TLK1: variants seen among roughly 807,000 people sequenced by gnomAD.
The protein encoded by TLK1 is serine/threonine-protein kinase tousled-like 1.
TLK1 carries 24 observed loss-of-function variants against 105.3 expected under a neutral mutation model. The observed-to-expected ratio is 0.23, with a 90% CI of 0.17 to 0.32. TLK1 has a LOEUF of 0.32. TLK1 is among the 10% of genes least tolerant of loss of function. The pLI is 1.00. For missense variants in TLK1, 558 were observed against 910.5 expected, an observed-to-expected ratio of 0.61 and a Z score of 4.98; for synonymous variants, 321 against 310.4, an observed-to-expected ratio of 1.03 and a Z score of -0.36.
chr2:171,011,324 A>G (rs754530617), intron 14 of TLK1, 49 bp downstream of exon 14: 1 of 1,511,900 alleles, frequency 6.6e-7, no homozygotes, highest in South Asian at 1.2e-5. Flanking sequence ...ACATACTCCT[A>G]TATCCTTGCT....
At position 171,061,072 on chromosome 2, in the gene TLK1, T is replaced by C. The variant is rs766733666; in HGVS notation, c.406+9A>G. On this transcript the variant is annotated intron_variant, in intron 4 of 20. Coordinates refer to ENST00000431350, the MANE Select transcript of TLK1 (RefSeq NM_012290.5). ...CACTAGGCTCTGAAGGAAGATGTTATGTGCTTACCCTGACTACTTTCATTC... is the reference window on the plus strand; with the variant it reads ...CACTAGGCTCTGAAGGAAGATGTTACGTGCTTACCCTGACTACTTTCATTC... 5.6e-6 allele frequency: 9 copies of C among 1,612,616 alleles called. No individual in the cohort carries two copies. In the East Asian group the frequency reaches 1.3e-4, roughly 24 times the overall value.
intron 1 of TLK1, among the ~76,000 whole-genome samples, chr2:171,173,530 A>G (rs979965127): frequency 6.6e-6 from 1 of 151,926 alleles, no homozygotes; most frequent in African/African-American, 2.4e-5. Context: ...TAGGACTACA[A>G]GTGTGCACCA....
chr2:171,203,996 G>A (rs1222107443), intron 1 of TLK1, among the ~76,000 whole-genome samples: 2 of 152,076 alleles, frequency 1.3e-5, no homozygotes, highest in East Asian at 3.8e-4. Context: ...AGAGCTTGCA[G>A]TGAGCTGAAA....
intron 1 of TLK1, among the ~76,000 whole-genome samples, chr2:171,182,402 G>A (rs1330580330): frequency 1.3e-5 from 2 of 152,064 alleles, no homozygotes; most frequent in African/African-American, 4.8e-5. Flanking sequence ...TGACATTGTG[G>A]GCTACTTATT....
chr2:171,221,172 T>C (rs999888282), intron 1 of TLK1, among the ~76,000 whole-genome samples: 1 of 152,248 alleles, frequency 6.6e-6, no homozygotes, highest in African/African-American at 2.4e-5. Flanking sequence ...AGTTATCCTT[T>C]ATTTTCTTTT....
chr2:171,062,238 A>G (rs1156281868), intron 3 of TLK1, among the ~76,000 whole-genome samples: 1 of 152,230 alleles, frequency 6.6e-6, no homozygotes, highest in African/African-American at 2.4e-5. Context: ...AAATTCCTGA[A>G]CTTCACAAGA....
At position 171,196,122 on chromosome 2, in the gene TLK1, G is replaced by GT. The variant is rs570467416; in HGVS notation, c.-6+35022dup. ...AAGGAAGGGAGGGACATTGTAGCTG[G>GT]TTTTTTTTTTTTGAGATGGAGTCTC... On this transcript the variant is annotated intron_variant, in intron 1 of 20. Coordinates refer to the TLK1 transcript ENST00000521943. Among the ~76,000 whole-genome samples the GT allele has an allele frequency of 1.9e-3, 268 of 141,142 alleles. 2 individuals are homozygous for GT. The highest frequency in any genetic ancestry group is 0.011 in the East Asian group (55 of 4,982). The allele number at this position is 141,142 out of a possible 152,430, so 92.6% of individuals were successfully genotyped here. A position where few individuals can be genotyped will look rare whatever the true frequency, so the allele number is the denominator to read the frequency against.
At chr2:171,192,274 A>G (rs1027958639) in intron 1 of TLK1, among the ~76,000 whole-genome samples, 1 of 152,144 alleles carries the variant, frequency 6.6e-6, no homozygotes, top group Admixed American at 6.5e-5. Context: ...AGTGATCCAC[A>G]GGCCTTGGCC....
At chr2:171,209,034 A>G (rs918871417) in intron 1 of TLK1, among the ~76,000 whole-genome samples, 6 of 152,174 alleles carry the variant, frequency 3.9e-5, no homozygotes, top group Admixed American at 2.6e-4. Context: ...ACAATTGTAT[A>G]TTTTCTGGCT....
At chr2:171,116,537 T>C (rs563666863) in intron 2 of TLK1, among the ~76,000 whole-genome samples, 1 of 151,910 alleles carries the variant, frequency 6.6e-6, no homozygotes, top group East Asian at 1.9e-4. Context: ...CCGTCTCTAC[T>C]AAAAATACAA....
At chr2:171,145,600 AAAC>A (rs1175526678) in intron 1 of TLK1, among the ~76,000 whole-genome samples, 1 of 151,914 alleles carries the variant, frequency 6.6e-6, no homozygotes, top group African/African-American at 2.4e-5. Context: ...AAAAAAAAAA[AAAC>A]AAAAAACAAA....
At chr2:171,161,104 C>T (rs1398827921), upstream of TLK1, among the ~76,000 whole-genome samples, 1 of 147,962 alleles carries the variant, frequency 6.8e-6, no homozygotes, top group East Asian at 2.0e-4. Flanking sequence ...GGCGCCCCTG[C>T]CGCACCCGCG....
intron 1 of TLK1, among the ~76,000 whole-genome samples, chr2:171,132,958 G>A (rs3770418): frequency 0.013 from 1,959 of 152,294 alleles, 54 homozygotes; most frequent in Admixed American, 0.059. Context: ...GAGAATAAAT[G>A]TCTAACTTAC....
chr2:171,041,214 T>G (rs1686659580), intron 11 of TLK1, among the ~76,000 whole-genome samples: 1 of 152,236 alleles, frequency 6.6e-6, no homozygotes, highest in African/African-American at 2.4e-5. Flanking sequence ...CTCTTGCTAA[T>G]AGTTAAAAAT....
chr2:171,229,792 G>T (rs12475659), intron 1 of TLK1, among the ~76,000 whole-genome samples: 8,289 of 152,160 alleles, frequency 0.054, 491 homozygotes, highest in East Asian at 0.25. Context: ...TTTAAAAATC[G>T]TACCTCACTA....
At chr2:171,001,032 C>T (rs545077167) in intron 18 of TLK1, among the ~76,000 whole-genome samples, 1 of 143,626 alleles carries the variant, frequency 7.0e-6, no homozygotes, top group South Asian at 2.1e-4. Flanking sequence ...GCCATATCCA[C>T]AGTCTCTTTC....
intron 2 of TLK1, among the ~76,000 whole-genome samples, chr2:171,085,619 T>C (rs372135436): frequency 9.2e-5 from 14 of 152,180 alleles, no homozygotes; most frequent in African/African-American, 3.4e-4. Context: ...CAAAGTGTTT[T>C]ATATTCAGTA....
chr2:171,194,143 T>C (rs1298198665), intron 1 of TLK1, among the ~76,000 whole-genome samples: 3 of 152,208 alleles, frequency 2.0e-5, no homozygotes, highest in East Asian at 3.8e-4. Flanking sequence ...GGGCTCGCCA[T>C]TGAAGAAATA....
chr2:171,128,474 T>C lies in TLK1; in HGVS notation c.140-10617A>G, dbSNP rs549287635. 2.8e-3 allele frequency among the ~76,000 whole-genome samples: 422 copies of C among 152,286 alleles called. 1 individual carries two copies. The highest frequency in any genetic ancestry group is 3.8e-3 in the Non-Finnish European group (261 of 68,000). The stretch of plus-strand genomic sequence containing the variant: ...ATAGTTTTGAACTAAATCTGTCACT[T>C]AGAAAGCATTCAATAAATGTGAACA... On this transcript the variant is annotated intron_variant, in intron 1 of 20. Coordinates refer to ENST00000431350, the MANE Select transcript of TLK1 (RefSeq NM_012290.5).
Sources: gnomAD v4.1 joint callset for allele counts (sites outside exome capture counted in the v4.1 genomes callset) on GRCh38, gnomAD v4.1.1 for gene constraint, MANE v1.5 for transcripts, NCBI Gene and HGNC (gene_info 2026-07-23, HGNC 2026-07-21) for gene names.